The following NFKBID variants were observed in gnomAD, a reference collection of about 807,000 sequenced individuals.
NFKBID encodes NF-kappa-B inhibitor delta.
Under a neutral mutation model 53.4 loss-of-function variants are expected in NFKBID, and 26 were observed. The observed-to-expected ratio is 0.49, with a 90% confidence interval of 0.36 to 0.68. NFKBID has a LOEUF of 0.68. Among genes scored for constraint, NFKBID ranks in the 30% least tolerant of loss-of-function variants. NFKBID has a pLI of 0.00. For synonymous variants in NFKBID, 262 were observed against 259.8 expected (o/e 1.01, Z -0.08); for missense variants, 493 against 614.1 (o/e 0.80, Z 2.08).
intron 4 of NFKBID, chr19:35,897,395 C>T (rs1975254857): frequency 7.0e-6 from 4 of 568,490 alleles, no homozygotes; most frequent in South Asian, 4.7e-5. Context: ...GCTAGGATTA[C>T]AGGCGTGCGC....
chr19:35,900,506 C>A (rs1599631843), exon 1 of NFKBID: 1 of 1,231,874 alleles, frequency 8.1e-7, no homozygotes, highest in East Asian at 3.2e-5. Context: ...GCGCCAGCCT[C>A]GCTGTTTCCC....
chr19:35,902,122 G>C (rs1975581416), upstream of NFKBID: 4 of 701,928 alleles, frequency 5.7e-6, no homozygotes, highest in Non-Finnish European at 1.0e-5. Flanking sequence ...ATCTCCACAG[G>C]GAGATTGTCA....
chr19:35,888,899 A>G (rs1405915134), intron 11 of NFKBID, among the ~76,000 whole-genome samples: 1 of 152,146 alleles, frequency 6.6e-6, no homozygotes, highest in Non-Finnish European at 1.5e-5. Flanking sequence ...TACAAAAATT[A>G]GCCGGGCATG....
chr19:35,899,504 A>G (rs1975423186), intron 1 of NFKBID, among the ~76,000 whole-genome samples: 1 of 148,476 alleles, frequency 6.7e-6, no homozygotes, highest in Non-Finnish European at 1.5e-5. Flanking sequence ...AGGTTGCAGT[A>G]AGCGGAGATC....
chr19:35,896,653 C>G lies in NFKBID; in HGVS notation c.684+73G>C, dbSNP rs1338644242. On this transcript the variant is annotated intron_variant, in intron 6 of 11. Coordinates refer to ENST00000641389, the Ensembl canonical transcript of NFKBID. This position sits in a 1 kb window ranked among gnomAD's most constrained non-coding sequence, Gnocchi z 5.7. ...AGCTCACCCCCCATTCCCCTCTTCT[C>G]TAGGATCCAGGGGTCCAGGCCCCAG... The G allele has an allele frequency of 1.3e-5, 20 of 1,483,498 alleles. No homozygotes were observed. The highest frequency in any genetic ancestry group is 1.8e-5 in the Non-Finnish European group (19 of 1,072,122). The allele number at this position is 1,483,498 out of a possible 1,614,324, so 91.9% of individuals were successfully genotyped here.
At chr19:35,891,606 T>C (rs542155709) in intron 9 of NFKBID, among the ~76,000 whole-genome samples, 1 of 152,172 alleles carries the variant, frequency 6.6e-6, no homozygotes, top group African/African-American at 2.4e-5. Flanking sequence ...CAGGGGCTCA[T>C]GCCTGTAATC....
intron 10 of NFKBID, 70 bp downstream of exon 10, chr19:35,890,304 G>T: frequency 9.1e-7 from 1 of 1,103,838 alleles, no homozygotes; most frequent in South Asian, 1.3e-5. Flanking sequence ...CAGCCCCCAG[G>T]ACCCCTAACA....
At chr19:35,899,555 A>AT (rs1975426506) in intron 1 of NFKBID, among the ~76,000 whole-genome samples, 1 of 98,024 alleles carries the variant, frequency 1.0e-5, no homozygotes, top group Non-Finnish European at 2.0e-5. Flanking sequence ...GAGAGACTCC[A>AT]TTAAAAAAAA....
In NFKBID at chr19:35,891,816, A is replaced by G. The variant is rs142349458; in HGVS notation, c.1033-1326T>C. 1.2e-4 allele frequency among the ~76,000 whole-genome samples: 19 copies of G among 152,156 alleles called. No individual in the cohort carries two copies. The East Asian group carries it at 3.7e-3, about 30-fold the overall frequency. ...CGGGAGGCAGAGGTTGCAGTGAGCC[A>G]AAATCACACCATTGCAATCCAGCCT... On this transcript the variant is annotated intron_variant, in intron 9 of 11. Coordinates refer to ENST00000641389, the Ensembl canonical transcript of NFKBID.
chr19:35,895,910 G>T, intron 9 of NFKBID, 70 bp downstream of exon 9: 1 of 1,466,510 alleles, frequency 6.8e-7, no homozygotes, highest in Non-Finnish European at 9.4e-7. Context: ...TTTGCCTGGA[G>T]CTCCCGGACA....
At position 35,896,527 on chromosome 19, in the gene NFKBID, C is replaced by A. The variant is rs1975164564; in HGVS notation, c.696G>T (p.Leu232=). 3.7e-6 allele frequency: 6 copies of A among 1,613,964 alleles called. No individual in the cohort carries two copies. Among genetic ancestry groups the A allele is most frequent in the Non-Finnish European group, 4.2e-6 (5 of 1,179,968 alleles). Residue 232 remains leucine (L), a synonymous_variant, in exon 7 of 12, where the codon CTG becomes CTT. Coordinates refer to ENST00000641389, the Ensembl canonical transcript of NFKBID. The surrounding 1 kb of genome is among the most constrained non-coding windows in gnomAD (Gnocchi z 5.7). ...GGGGCTGGTTGGCAGCAGCCGCCAC[C>A]AGGAGAGGGGTCTGCAGGCCACAGG... is the stretch of plus-strand genomic sequence containing the variant.
upstream of NFKBID, chr19:35,901,680 ACTTGCC>A: frequency 6.7e-6 from 1 of 149,934 alleles, no homozygotes; most frequent in Non-Finnish European, 1.5e-5. Flanking sequence ...TGCAACCTCC[ACTTGCC>A]TCAGTCTCCC....
At chr19:35,897,920 G>GCC in intron 3 of NFKBID, 64 bp from the exon 4 acceptor site, 1 of 1,142,836 alleles carries the variant, frequency 8.8e-7, no homozygotes, top group Non-Finnish European at 1.3e-6. Flanking sequence ...CACATCCAGG[G>GCC]CTAGAGGGCC....
intron 9 of NFKBID, among the ~76,000 whole-genome samples, chr19:35,893,820 A>G (rs1291691325): frequency 6.8e-6 from 1 of 147,330 alleles, no homozygotes; most frequent in Non-Finnish European, 1.5e-5. Context: ...AGCCATCTCA[A>G]AAAAAAAAAA....
rs1975159133 is a variant in NFKBID at position 35,896,464 on chromosome 19, G to A, written c.759C>T (p.Pro253=). ...AACGTCCCTGATGGTCAGCGGCATT[G>A]GGCTCTGCTCCCAGGTTCAACAGAT... Residue 253 remains proline, a synonymous_variant, in exon 7 of 12, where the codon CCC becomes CCT. Coordinates refer to ENST00000641389, the Ensembl canonical transcript of NFKBID. This position sits in a 1 kb window ranked among gnomAD's most constrained non-coding sequence, Gnocchi z 5.7. The A allele has an allele frequency of 6.2e-7, 1 of 1,614,034 alleles. No individual in the cohort carries two copies. Among genetic ancestry groups the A allele is most frequent in the Admixed American group, 1.7e-5 (1 of 60,002 alleles).
intron 2 of NFKBID, 36 bp downstream of exon 2, chr19:35,898,683 C>T (rs1415097526): frequency 2.0e-6 from 3 of 1,520,536 alleles, no homozygotes; most frequent in South Asian, 2.4e-5. Context: ...CGGGACAGCA[C>T]GGGGCCTCCG....
chr19:35,889,837 C>G, intron 11 of NFKBID, 53 bp downstream of exon 11: 1 of 1,536,658 alleles, frequency 6.5e-7, no homozygotes, highest in East Asian at 2.3e-5. Context: ...GGAGGTCATC[C>G]CGCGCCCGCG....
chr19:35,896,733 T>C lies in NFKBID; in HGVS notation c.677A>G (p.Lys226Arg). 6.2e-7 allele frequency: 1 copy of C among 1,612,912 alleles called. No individual in the cohort carries two copies. Among genetic ancestry groups the C allele is most frequent in the Non-Finnish European group, 8.5e-7 (1 of 1,179,638 alleles). Residue 226 changes from lysine (K) to arginine (R), a missense_variant, in exon 6 of 12, where the codon AAG becomes AGG. Coordinates refer to ENST00000641389, the Ensembl canonical transcript of NFKBID. The surrounding 1 kb of genome is among the most constrained non-coding windows in gnomAD (Gnocchi z 5.7). ...TCAGGCCCCAAGCCTCACCTTGCCCTTATGCTCACGAATGTCAAGACGCCG... is the reference window on the plus strand; with the variant it reads ...TCAGGCCCCAAGCCTCACCTTGCCCCTATGCTCACGAATGTCAAGACGCCG...
At chr19:35,894,246 G>A (rs527972308) in intron 9 of NFKBID, among the ~76,000 whole-genome samples, 1 of 152,164 alleles carries the variant, frequency 6.6e-6, no homozygotes, top group South Asian at 2.1e-4. Context: ...GTGACAGAGT[G>A]AGATTCCATC....
Sources: allele counts gnomAD v4.1 joint callset (sites outside exome capture counted in the v4.1 genomes callset), GRCh38; gene constraint gnomAD v4.1.1; non-coding constraint Gnocchi (gnomAD v3.1); transcripts MANE v1.5; gene names NCBI Gene and HGNC (gene_info 2026-07-23, HGNC 2026-07-21).